PIEZO1: variants seen among roughly 807,000 people sequenced by gnomAD.
The protein encoded by PIEZO1 is piezo type mechanosensitive ion channel component 1 (Er blood group), also known as piezo-type mechanosensitive ion channel component 1.
A neutral mutation model predicts 297.2 loss-of-function variants in PIEZO1; 296 were observed. The observed-to-expected ratio is 1.00, with a 90% CI of 0.91 to 1.10. PIEZO1 has a LOEUF of 1.10. Ranked by LOEUF, PIEZO1 falls within the 50% of genes least tolerant of loss-of-function variation. PIEZO1 has a pLI of 0.00. For synonymous variants in PIEZO1, 2,427 were observed against 1,507.5 expected (o/e 1.61, Z -14.13); for missense variants, 5,018 against 3,455.5 (o/e 1.45, Z -11.34).
intron 1 of PIEZO1, among the ~76,000 whole-genome samples, chr16:88,751,909 G>A (rs60016274): frequency 3.0e-4 from 45 of 152,108 alleles, no homozygotes; most frequent in Non-Finnish European, 4.9e-4. Flanking sequence ...TGCCAGGAAC[G>A]TCCAATGCTC....
intron 10 of PIEZO1, chr16:88,737,170 G>C: frequency 3.8e-6 from 1 of 264,452 alleles, no homozygotes; most frequent in Non-Finnish European, 7.3e-6. Flanking sequence ...AGAGTTCCCA[G>C]GCCAGCCCCT....
chr16:88,721,942 T>G lies in PIEZO1; in HGVS notation c.5080A>C (p.Ile1694Leu), dbSNP rs1371438003. 4 of 1,550,026 alleles carry G rather than the reference T, an allele frequency of 2.6e-6. No individual in the cohort carries two copies. In the East Asian group the frequency reaches 7.3e-5, roughly 28 times the overall value. ...AAHSELLCYFIIILNHMVTAS... is the reference protein window; with the variant it reads ...AAHSELLCYFLIILNHMVTAS... ...GTGACCATGTGGTTGAGGATGATGA[T>G]GAAGTAGCAGAGCAGCTCCGAGTGG... is the stretch of plus-strand genomic sequence containing the variant. The change falls in exon 37 of 51, where the codon ATC (isoleucine) becomes CTC (leucine). Residue 1694 changes from isoleucine (I) to leucine (L), a missense_variant. Physicochemically the swap from Ile to Leu is conservative, Grantham distance 5. Transcript: ENST00000301015.
chr16:88,750,638 A>T (rs1333631292), intron 1 of PIEZO1, among the ~76,000 whole-genome samples: 1 of 152,222 alleles, frequency 6.6e-6, no homozygotes, highest in East Asian at 1.9e-4. Context: ...GTCTGGAGTC[A>T]GGGAGGCTGT....
intron 41 of PIEZO1, 49 bp from the exon 42 acceptor site, chr16:88,720,332 G>C: frequency 3.9e-6 from 6 of 1,549,976 alleles, no homozygotes; most frequent in Non-Finnish European, 5.2e-6. Flanking sequence ...CAGGGGATGT[G>C]GGTGGCTGCT....
At chr16:88,754,437 C>A (rs769693767) in intron 1 of PIEZO1, among the ~76,000 whole-genome samples, 3 of 152,196 alleles carry the variant, frequency 2.0e-5, no homozygotes, top group Non-Finnish European at 2.9e-5. Flanking sequence ...ATGCCTGAGC[C>A]CCCCTGCCAG....
At chr16:88,751,740 CTTCTGAAG>C (rs948847905) in intron 1 of PIEZO1, among the ~76,000 whole-genome samples, 1 of 152,054 alleles carries the variant, frequency 6.6e-6, no homozygotes. Context: ...ACAGCAAAGG[CTTCTGAAG>C]TTCTGAAGTT....
Position 88,715,468 on chromosome 16 carries a change from C to T in PIEZO1, c.*137G>A. The T allele has an allele frequency of 9.7e-7, 1 of 1,028,806 alleles. No homozygotes were observed. The highest frequency in any genetic ancestry group is 1.6e-5 in the African/African-American group (1 of 63,088). 63.7% of individuals were successfully genotyped at this position (1,028,806 alleles called of 1,614,324 possible). ...CTTCTCTGACAGCAGCATCAGGGCT[C>T]AGGCAGGCCGGGAGGATGCATCACA... On this transcript the variant is annotated 3_prime_UTR_variant, in exon 51 of 51. Coordinates refer to ENST00000301015, the MANE Select transcript of PIEZO1 (RefSeq NM_001142864.4).
In PIEZO1 at chr16:88,741,505, G is replaced by C; in HGVS notation, c.438C>G (p.Thr146=). ...LGICGRLARN[T]RQSPHPRELD... ...GCTCCCGTGGATGTGGGCTCTGCCG[G>C]GTGTTCCTTGCAAGGCGCCCGCAGA... The change falls in exon 5 of 51, where the codon ACC becomes ACG. Residue 146 remains threonine (T), a synonymous_variant. Transcript: ENST00000301015. 2 of 1,535,710 alleles carry C rather than the reference G, an allele frequency of 1.3e-6. No homozygotes were observed. Among genetic ancestry groups the C allele is most frequent in the Non-Finnish European group, 1.7e-6 (2 of 1,146,750 alleles).
chr16:88,724,961 GCACAGAGGGCCTGAGAGGGTGGC>G, intron 30 of PIEZO1, 25 bp downstream of exon 30: 1 of 1,184,492 alleles, frequency 8.4e-7, no homozygotes, highest in Middle Eastern at 2.7e-4. Context: ...ACAGATGGGG[GCACAGAGGGCCTGAGAGGGTGGC>G]CACAGGCGGC....
chr16:88,720,030 C>T, intron 42 of PIEZO1, 39 bp downstream of exon 42: 2 of 1,549,428 alleles, frequency 1.3e-6, no homozygotes, highest in South Asian at 1.2e-5. Context: ...CTGCACTGCC[C>T]CGCCCCTGGA....
Position 88,717,174 on chromosome 16 carries a change from A to ATCTTCT in PIEZO1, c.6503_6508dup (p.Lys2168_Lys2169dup), listed in dbSNP as rs763477215. ...GAGGCCACCCATGCCGTACTTGACG[A>ATCTTCT]TCTTCTTCTTCTTCTGCCCTTTGGG... On this transcript the variant is annotated inframe_insertion, in exon 45 of 51. Coordinates refer to ENST00000301015, the MANE Select transcript of PIEZO1 (RefSeq NM_001142864.4). The ATCTTCT allele has an allele frequency of 6.4e-7, 1 of 1,550,542 alleles. No individual in the cohort carries two copies. The highest frequency in any genetic ancestry group is 2.4e-5 in the East Asian group (1 of 40,926).
rs528618317 is a variant in PIEZO1 at position 88,749,219 on chromosome 16, G to T, written c.160+165C>A. ...CGCGCCACTGCACTCCAGCCTGGGC[G>T]ACTGAGCGAGACTCCGTCTCAAAAA... On this transcript the variant is annotated intron_variant, in intron 2 of 50. Transcript: ENST00000301015. Among the ~76,000 whole-genome samples, 23 of 151,650 alleles carry T rather than the reference G, an allele frequency of 1.5e-4. No homozygotes were observed. In the East Asian group the frequency reaches 4.5e-3, roughly 30 times the overall value.
rs768783054 is a variant in PIEZO1, at chr16:88,719,556, C to T, written c.6471+18G>A. The T allele has an allele frequency of 3.2e-5, 49 of 1,548,004 alleles. No individual in the cohort carries two copies. The highest frequency in any genetic ancestry group is 3.3e-4 in the Middle Eastern group (2 of 6,004). ...TATCCCTGGCCCTTGTCCCGGCCCC[C>T]GCCCTGGGCCCAGGCACCTTCTCTG... is the stretch of plus-strand genomic sequence containing the variant. On this transcript the variant is annotated intron_variant, in intron 44 of 50. Transcript: ENST00000301015.
intron 44 of PIEZO1, chr16:88,718,691 C>G (rs1216306346): frequency 6.6e-6 from 1 of 152,254 alleles, no homozygotes; most frequent in Non-Finnish European, 1.5e-5. Flanking sequence ...CGAGTGACAG[C>G]CAATGGGCAC....
At chr16:88,743,526 C>G (rs958027768) in intron 2 of PIEZO1, 6 of 456,268 alleles carry the variant, frequency 1.3e-5, no homozygotes, top group Non-Finnish European at 2.2e-5. Flanking sequence ...TGGTGAATGT[C>G]ACCACCACAT....
Position 88,727,072 on chromosome 16 carries a change from T to G in PIEZO1, c.3422A>C (p.Glu1141Ala). ...NTDRLEPLRG[E>A]PNPVPNFIHC... ...GATAAAGTTGGGCACGGGGTTGGGC[T>G]CCCCCCGCAGCGGCTCCAGGCGGTC... is the stretch of plus-strand genomic sequence containing the variant. Residue 1141 changes from glutamate (E) to alanine (A), a missense_variant, in exon 24 of 51, where the codon GAG becomes GCG. Glu to Ala is a moderately radical substitution (Grantham distance 107). Transcript: ENST00000301015. The G allele has an allele frequency of 1.3e-6, 2 of 1,548,922 alleles. No homozygotes were observed. The highest frequency in any genetic ancestry group is 2.4e-5 in the East Asian group (1 of 40,880).
Position 88,715,599 on chromosome 16 carries a change from C to G in PIEZO1, c.*6G>C. On this transcript the variant is annotated 3_prime_UTR_variant, in exon 51 of 51. Transcript: ENST00000301015. Reference sequence around the variant, plus strand: ...CTCCTTCCCTCTCGGGCGCCAGCAGCAGCTCCTACTCCTTCTCACGAGTCC... The same window carrying G: ...CTCCTTCCCTCTCGGGCGCCAGCAGGAGCTCCTACTCCTTCTCACGAGTCC... 2 of 1,548,266 alleles carry G rather than the reference C, an allele frequency of 1.3e-6. No homozygotes were observed. Among genetic ancestry groups the G allele is most frequent in the African/African-American group, 1.4e-5 (1 of 73,146 alleles).
rs1178347339 is a variant in PIEZO1 at position 88,733,407 on chromosome 16, C to T, written c.2535G>A (p.Leu845=). 2.6e-6 allele frequency: 4 copies of T among 1,549,910 alleles called. No homozygotes were observed. The highest frequency in any genetic ancestry group is 2.0e-5 in the Admixed American group (1 of 50,978). The change falls in exon 19 of 51, where the codon CTG becomes CTA. Residue 845 remains leucine, a synonymous_variant. Transcript: ENST00000301015. The part of the protein sequence containing the change: ...LLLVVLWAFA[L]PYPRFRPMAS... ...CCATGGGCCGGAAGCGTGGGTAGGGCAGGGCGAAGGCCCACAGCACCACCA... is the reference window on the plus strand; with the variant it reads ...CCATGGGCCGGAAGCGTGGGTAGGGTAGGGCGAAGGCCCACAGCACCACCA...
rs1905422105 is a variant in PIEZO1, at chr16:88,738,613, C to G, written c.589G>C (p.Val197Leu). The change falls in exon 6 of 51, where the codon GTG becomes CTG. Residue 197 changes from valine (V) to leucine (L), a missense_variant. Transcript: ENST00000301015. The part of the protein sequence containing the change: ...RFRVTAHWLL[V>L]AAGRVLAVTL... The stretch of plus-strand genomic sequence containing the variant: ...ACGGCCAGGACCCGCCCAGCCGCCA[C>G]CAGCAGCCAGTGGGCCGTGACTCGG... 1 of 1,535,560 alleles carries G rather than the reference C, an allele frequency of 6.5e-7. No homozygotes were observed. Among genetic ancestry groups the G allele is most frequent in the Admixed American group, 2.0e-5 (1 of 50,982 alleles).
Sources: gnomAD v4.1 joint callset for allele counts (sites outside exome capture counted in the v4.1 genomes callset) on GRCh38, gnomAD v4.1.1 for gene constraint, MANE v1.5 for transcripts, NCBI Gene and HGNC (gene_info 2026-07-23, HGNC 2026-07-21) for gene names.